Variants in AATK observed in about 807,000 individuals in gnomAD.
AATK encodes the protein serine/threonine-protein kinase LMTK1.
A neutral mutation model predicts 114.3 loss-of-function variants in AATK; 91 were observed. That is an observed-to-expected ratio of 0.80 (90% CI 0.67 to 0.95). The LOEUF is 0.95. Ranked by LOEUF, AATK falls within the 40% of genes least tolerant of loss-of-function variation. AATK has a pLI of 0.00. For synonymous variants in AATK, 1,075 were observed against 916.5 expected (o/e 1.17, Z -3.12); for missense variants, 2,176 against 1,965.2 (o/e 1.11, Z -2.03).
At chr17:81,134,204 C>G (rs76390884) in intron 2 of AATK, among the ~76,000 whole-genome samples, 164 bp downstream of exon 2, 2,503 of 152,284 alleles carry the variant, frequency 0.016, 73 homozygotes, top group African/African-American at 0.057. Context: ...GCTATGGAGT[C>G]CCTGGGCCAG....
chr17:81,148,147 T>C (rs1021460014), intron 1 of AATK, among the ~76,000 whole-genome samples: 10 of 145,316 alleles, frequency 6.9e-5, no homozygotes, highest in African/African-American at 2.6e-4. Flanking sequence ...TCTTGGGAGG[T>C]AGAAATCCAG....
chr17:81,137,920 G>GCA lies in AATK; in HGVS notation c.56-3421_56-3420dup, dbSNP rs55747739. Among the ~76,000 whole-genome samples the GCA allele has an allele frequency of 3.7e-4, 56 of 150,634 alleles. 3 individuals are homozygous for GCA. The highest frequency in any genetic ancestry group is 1.8e-3 in the Admixed American group (28 of 15,180). On this transcript the variant is annotated intron_variant, in intron 1 of 13. Transcript: ENST00000326724. ...CGTGCACATACACACGGGCACACGT[G>GCA]CACACAGCCACACGCACACATCCAC...
intron 1 of AATK, among the ~76,000 whole-genome samples, chr17:81,148,619 A>G (rs2061253860): frequency 6.6e-6 from 1 of 152,240 alleles, no homozygotes. Context: ...CACTGGATAC[A>G]GTGTGGGAGG....
intron 2 of AATK, 116 bp downstream of exon 2, chr17:81,134,252 G>C: frequency 7.0e-7 from 1 of 1,422,570 alleles, no homozygotes. Context: ...CAGCAACTAC[G>C]GCCACCCAGC....
intron 1 of AATK, among the ~76,000 whole-genome samples, chr17:81,153,365 A>AGG: frequency 6.6e-6 from 1 of 152,066 alleles, no homozygotes; most frequent in South Asian, 2.1e-4. Context: ...GGCTTCTAAC[A>AGG]GTCAATTTGA....
rs745931939 is a variant in AATK, at chr17:81,121,485, G to C, written c.2451C>G (p.Pro817=). ...AGTCAGGCAGGGCATCAGGGGCGTC[G>C]GGGGCACTGGCCTCCTCCGAGGGAA... ...APLPSEEASA[P]DAPDALPDSP... is the part of the protein sequence containing the mutation. Residue 817 remains proline (P), a synonymous_variant, in exon 11 of 14, where the codon CCC becomes CCG. Transcript: ENST00000326724. 6.4e-7 allele frequency: 1 copy of C among 1,566,450 alleles called. No individual in the cohort carries two copies. Among genetic ancestry groups the C allele is most frequent in the African/African-American group, 1.3e-5 (1 of 74,340 alleles).
At chr17:81,162,442 G>A (rs1002886807) in intron 1 of AATK, among the ~76,000 whole-genome samples, 1 of 152,122 alleles carries the variant, frequency 6.6e-6, no homozygotes, top group African/African-American at 2.4e-5. Context: ...AGCAGCAGCT[G>A]CCTTCAAACA....
chr17:81,131,505 C>A (rs1446997664), intron 2 of AATK, among the ~76,000 whole-genome samples: 1 of 152,184 alleles, frequency 6.6e-6, no homozygotes, highest in Non-Finnish European at 1.5e-5. Flanking sequence ...AGAAAGGGCG[C>A]GATGAGCTGT....
chr17:81,122,334 T>C lies in AATK; in HGVS notation c.1602A>G (p.Leu534=), dbSNP rs748836424. The C allele has an allele frequency of 2.6e-6, 4 of 1,512,614 alleles. No homozygotes were observed. The highest frequency in any genetic ancestry group is 2.6e-5 in the East Asian group (1 of 38,140). The allele number at this position is 1,512,614 out of a possible 1,614,324, so 93.7% of individuals were successfully genotyped here. A position where few individuals can be genotyped will look rare whatever the true frequency, so the allele number is the denominator to read the frequency against. The change falls in exon 11 of 14, where the codon CTA becomes CTG. Residue 534 remains leucine (L), a synonymous_variant. Transcript: ENST00000326724. ...PSLGSEYFIR[L]EEAAPAAGHD... is the part of the protein sequence containing the mutation. Reference sequence around the variant, plus strand: ...GGCCGGCGGCGGGTGCGGCCTCCTCTAGGCGGATGAAGTACTCGCTGCCCA... The same window carrying C: ...GGCCGGCGGCGGGTGCGGCCTCCTCCAGGCGGATGAAGTACTCGCTGCCCA...
At chr17:81,143,412 A>C (rs1383507275) in intron 1 of AATK, among the ~76,000 whole-genome samples, 1 of 151,970 alleles carries the variant, frequency 6.6e-6, no homozygotes. Context: ...GTTGGGTCCA[A>C]ATGCACTTCC....
intron 1 of AATK, among the ~76,000 whole-genome samples, chr17:81,144,971 G>A (rs563898630): frequency 3.9e-3 from 590 of 152,254 alleles, no homozygotes; most frequent in Non-Finnish European, 6.6e-3. Context: ...GGTGGCTCAC[G>A]CCTGTAATCC....
chr17:81,138,082 G>C (rs917036760), intron 1 of AATK, among the ~76,000 whole-genome samples: 1 of 144,118 alleles, frequency 6.9e-6, no homozygotes, highest in African/African-American at 2.6e-5. Context: ...ACCCACACCT[G>C]TGTGCACACA....
intron 13 of AATK, 32 bp from the exon 14 acceptor site, chr17:81,118,474 G>A (rs376939658): frequency 8.1e-6 from 13 of 1,600,488 alleles, no homozygotes; most frequent in East Asian, 4.5e-5. Context: ...TGAACACAGG[G>A]TTCTGAGACA....
chr17:81,165,853 C>G (rs955789982), intron 1 of AATK, 85 bp downstream of exon 1: 1 of 1,529,010 alleles, frequency 6.5e-7, no homozygotes, highest in Non-Finnish European at 8.8e-7. Context: ...AATTTCCATG[C>G]AAACCGGGAG....
At chr17:81,140,274 T>C (rs1025248981) in intron 1 of AATK, among the ~76,000 whole-genome samples, 3 of 152,228 alleles carry the variant, frequency 2.0e-5, no homozygotes, top group Admixed American at 6.5e-5. Flanking sequence ...CTTGCTTTTT[T>C]CGTATCAGTG....
chr17:81,138,697 G>A (rs575245794), intron 1 of AATK, among the ~76,000 whole-genome samples: 1 of 143,254 alleles, frequency 7.0e-6, no homozygotes, highest in Admixed American at 6.9e-5. Flanking sequence ...ACACACCCAA[G>A]CACGCAGATA....
chr17:81,155,061 G>A (rs2061344455), intron 1 of AATK, among the ~76,000 whole-genome samples: 1 of 152,196 alleles, frequency 6.6e-6, no homozygotes, highest in Admixed American at 6.5e-5. Flanking sequence ...ATTCATCTTT[G>A]CACTTTTTGC....
chr17:81,155,939 C>T (rs2061356126), intron 1 of AATK, among the ~76,000 whole-genome samples: 1 of 152,188 alleles, frequency 6.6e-6, no homozygotes, highest in Non-Finnish European at 1.5e-5. Context: ...GCCTCGGCCT[C>T]CCAAAGTGCT....
intron 2 of AATK, chr17:81,132,803 C>G (rs1031145187): frequency 4.5e-6 from 1 of 222,408 alleles, no homozygotes; most frequent in South Asian, 4.5e-5. Flanking sequence ...AGGAGGGAGC[C>G]CAGTGTGGAG....
Sources: allele counts gnomAD v4.1 joint callset (sites outside exome capture counted in the v4.1 genomes callset), GRCh38; gene constraint gnomAD v4.1.1; transcripts MANE v1.5; gene names NCBI Gene and HGNC (gene_info 2026-07-23, HGNC 2026-07-21).